LAMP3: variants seen among roughly 807,000 people sequenced by gnomAD.
LAMP3 encodes the protein lysosome associated membrane protein 3.
Under a neutral mutation model 34.8 loss-of-function variants are expected in LAMP3, and 26 were observed. The observed-to-expected ratio is 0.75, with a 90% CI of 0.55 to 1.04. The LOEUF is 1.04. LAMP3 is among the 50% of genes least tolerant of loss of function. LAMP3 has a pLI of 0.00. For synonymous variants in LAMP3, 180 were observed against 201.9 expected (o/e 0.89, Z 0.92); for missense variants, 495 against 524.0 (o/e 0.94, Z 0.54).
At chr3:183,151,997 T>A (rs1720650590) in intron 3 of LAMP3, among the ~76,000 whole-genome samples, 2 of 152,204 alleles carry the variant, frequency 1.3e-5, no homozygotes, top group African/African-American at 4.8e-5. Context: ...GTTCTGACAT[T>A]TGATTTCGGT....
At chr3:183,163,427 G>A (rs1576893626), upstream of LAMP3, among the ~76,000 whole-genome samples, 1 of 150,478 alleles carries the variant, frequency 6.6e-6, no homozygotes, top group Non-Finnish European at 1.5e-5. Flanking sequence ...AGTAGCTGGG[G>A]TTACAGGCGC....
intron 5 of LAMP3, among the ~76,000 whole-genome samples, chr3:183,129,066 T>C (rs1278923143): frequency 2.0e-5 from 3 of 152,238 alleles, no homozygotes; most frequent in Non-Finnish European, 2.9e-5. Flanking sequence ...ATTGTCTTTA[T>C]ACTTCATATT....
intron 3 of LAMP3, among the ~76,000 whole-genome samples, chr3:183,145,476 T>C (rs1476924121): frequency 6.6e-6 from 1 of 152,134 alleles, no homozygotes; most frequent in African/African-American, 2.4e-5. Context: ...GCGAATGATA[T>C]GGATAATTTG....
upstream of LAMP3, chr3:183,162,760 A>C: frequency 9.0e-7 from 1 of 1,106,180 alleles, no homozygotes; most frequent in Non-Finnish European, 1.2e-6. Context: ...CCACCTGCTT[A>C]TGAGAAGCAG....
chr3:183,132,814 G>C (rs550162657), intron 5 of LAMP3: 1 of 985,460 alleles, frequency 1.0e-6, no homozygotes, highest in African/African-American at 1.7e-5. Flanking sequence ...AGAAAGTGGG[G>C]CTTTACATGC....
intron 4 of LAMP3, 98 bp downstream of exon 4, chr3:183,140,432 AAAAAAAAG>A: frequency 2.4e-6 from 1 of 415,628 alleles, no homozygotes; most frequent in Non-Finnish European, 4.4e-6. Flanking sequence ...AAAAAAAAAA[AAAAAAAAG>A]CAGCATCAAA....
chr3:183,144,821 A>G (rs1186274405), intron 3 of LAMP3, among the ~76,000 whole-genome samples: 2 of 152,230 alleles, frequency 1.3e-5, no homozygotes, highest in African/African-American at 4.8e-5. Flanking sequence ...GTGGAGGATC[A>G]CTTGAGTCCA....
At chr3:183,135,621 T>C in intron 5 of LAMP3, 96 bp downstream of exon 5, 1 of 1,161,640 alleles carries the variant, frequency 8.6e-7, no homozygotes, top group Non-Finnish European at 1.3e-6. Context: ...GCTCATGAGA[T>C]GCTTGCTCCT....
upstream of LAMP3, chr3:183,162,854 G>T (rs1576893224): frequency 3.7e-6 from 2 of 535,652 alleles, no homozygotes; most frequent in East Asian, 3.5e-5. Flanking sequence ...GAGGGGCGGG[G>T]ACTCGGCGCA....
chr3:183,140,725 G>A (rs1720258124), intron 3 of LAMP3, 130 bp from the exon 4 acceptor site: 1 of 561,158 alleles, frequency 1.8e-6, no homozygotes. Context: ...CTTGGTACTG[G>A]GTCATAATTG....
chr3:183,139,069 C>A (rs1278743041), intron 4 of LAMP3, among the ~76,000 whole-genome samples: 1 of 152,144 alleles, frequency 6.6e-6, no homozygotes, highest in African/African-American at 2.4e-5. Context: ...CCTCTCCACT[C>A]CCCCTGCTTG....
At chr3:183,127,279 A>G (rs954356515) in intron 5 of LAMP3, among the ~76,000 whole-genome samples, 1 of 152,102 alleles carries the variant, frequency 6.6e-6, no homozygotes, top group Non-Finnish European at 1.5e-5. Flanking sequence ...TAGTACAGGC[A>G]AATGCCACCC....
chr3:183,139,512 A>G (rs913552561), intron 4 of LAMP3, among the ~76,000 whole-genome samples: 2 of 152,252 alleles, frequency 1.3e-5, no homozygotes, highest in Middle Eastern at 3.4e-3. Context: ...GATAGTACTG[A>G]ACTCTAGATA....
chr3:183,148,516 A>T (rs191070442), intron 3 of LAMP3, among the ~76,000 whole-genome samples: 30 of 152,346 alleles, frequency 2.0e-4, no homozygotes, highest in East Asian at 7.7e-4. Flanking sequence ...TAATTTGATT[A>T]AAAAAATTAA....
At position 183,128,380 on chromosome 3, in the gene LAMP3, AT is replaced by A. The variant is rs1268983171; in HGVS notation, c.1118-4167del. 8.5e-5 allele frequency among the ~76,000 whole-genome samples: 13 copies of A among 152,186 alleles called. No individual in the cohort carries two copies. The South Asian group carries it at 2.5e-3, about 29-fold the overall frequency. ...TACTATTATGCACTATGATTTTTTG[AT>A]ATAACATATTTTGGAACTCTTTCCT... On this transcript the variant is annotated intron_variant, in intron 5 of 5. Transcript: ENST00000265598.
intron 1 of LAMP3, among the ~76,000 whole-genome samples, chr3:183,157,868 C>A (rs916491838): frequency 3.3e-5 from 5 of 152,080 alleles, no homozygotes; most frequent in Non-Finnish European, 7.4e-5. Flanking sequence ...CCTAAACAAG[C>A]CAAGAAGATA....
chr3:183,161,273 C>T (rs1273021375), intron 1 of LAMP3, among the ~76,000 whole-genome samples: 2 of 152,206 alleles, frequency 1.3e-5, no homozygotes, highest in Non-Finnish European at 2.9e-5. Context: ...GAAGAAACCT[C>T]TGATGCATCC....
intron 3 of LAMP3, among the ~76,000 whole-genome samples, chr3:183,142,850 T>A (rs374635323): frequency 4.6e-5 from 7 of 152,132 alleles, no homozygotes; most frequent in Admixed American, 3.9e-4. Context: ...CAGCAAAGCA[T>A]GAAAACAAGT....
intron 4 of LAMP3, among the ~76,000 whole-genome samples, chr3:183,136,653 G>GAAAAAAAA (rs63647060): frequency 9.9e-6 from 1 of 100,588 alleles, no homozygotes; most frequent in Non-Finnish European, 1.9e-5. Context: ...CTCCGTTTCA[G>GAAAAAAAA]AAAAAAAAAA....
Sources: allele counts gnomAD v4.1 joint callset (sites outside exome capture counted in the v4.1 genomes callset), GRCh38; gene constraint gnomAD v4.1.1; transcripts MANE v1.5; gene names NCBI Gene and HGNC (gene_info 2026-07-23, HGNC 2026-07-21).